The following ARL3 variants were observed in gnomAD, a reference collection of about 807,000 sequenced individuals.
The protein encoded by ARL3 is ARF like GTPase 3, also known as ADP-ribosylation factor-like protein 3.
A neutral mutation model predicts 26.0 loss-of-function variants in ARL3; 9 were observed. The ratio of observed to expected loss-of-function variants is 0.35; its 90% confidence interval spans 0.21 to 0.60. ARL3 has a LOEUF of 0.60. Ranked by LOEUF, ARL3 falls within the 20% of genes least tolerant of loss-of-function variation. The pLI, the probability that ARL3 is intolerant of heterozygous loss-of-function variation, is 0.78. For synonymous variants in ARL3, 71 were observed against 78.4 expected, an observed-to-expected ratio of 0.91 and a Z score of 0.50; for missense variants, 158 against 215.7, an observed-to-expected ratio of 0.73 and a Z score of 1.67.
chr10:102,696,458 G>A (rs1024051398), intron 3 of ARL3, among the ~76,000 whole-genome samples: 8 of 151,614 alleles, frequency 5.3e-5, no homozygotes, highest in Middle Eastern at 3.2e-3. Flanking sequence ...TAGAGATGGG[G>A]TTTCACCATC....
intron 2 of ARL3, among the ~76,000 whole-genome samples, chr10:102,699,869 A>G (rs2064269697): frequency 6.6e-6 from 1 of 152,250 alleles, no homozygotes; most frequent in Non-Finnish European, 1.5e-5. Flanking sequence ...ACAAAAAAAA[A>G]GCTGAATCTG....
chr10:102,686,077 T>A, intron 4 of ARL3, 76 bp from the exon 5 acceptor site: 1 of 1,300,736 alleles, frequency 7.7e-7, no homozygotes, highest in South Asian at 1.5e-5. Context: ...ACTACTTTTT[T>A]TTTTTTTTTT....
In ARL3 at chr10:102,694,645, T is replaced by C. The variant is rs147026523; in HGVS notation, c.265-4702A>G. Reference sequence around the variant, plus strand: ...CTTTTGTCAGAGAGAGTGGGCCATATTCATGTAAGCCTATTTTGGGGCTCT... The same window carrying C: ...CTTTTGTCAGAGAGAGTGGGCCATACTCATGTAAGCCTATTTTGGGGCTCT... On this transcript the variant is annotated intron_variant, in intron 3 of 5. Transcript: ENST00000260746. Among the ~76,000 whole-genome samples the C allele has an allele frequency of 9.3e-4, 142 of 152,296 alleles. 1 individual carries two copies. The highest frequency in any genetic ancestry group is 3.3e-3 in the African/African-American group (139 of 41,564).
chr10:102,688,664 G>T (rs2064200551), intron 4 of ARL3, among the ~76,000 whole-genome samples: 1 of 151,994 alleles, frequency 6.6e-6, no homozygotes. Flanking sequence ...ACCACACCTG[G>T]CTAATTTTTT....
chr10:102,678,679 C>T (rs1237642002), intron 5 of ARL3, among the ~76,000 whole-genome samples: 1 of 152,194 alleles, frequency 6.6e-6, no homozygotes, highest in African/African-American at 2.4e-5. Flanking sequence ...CTTTTCCTTG[C>T]TTTATGGCTG....
intron 1 of ARL3, among the ~76,000 whole-genome samples, chr10:102,713,685 C>T (rs2064361438): frequency 6.6e-6 from 1 of 152,198 alleles, no homozygotes; most frequent in South Asian, 2.1e-4. Flanking sequence ...ACCAAGACGG[C>T]GTAAAATCCA....
At chr10:102,692,562 T>C (rs6421339) in intron 3 of ARL3, among the ~76,000 whole-genome samples, 151,828 of 152,106 alleles carry the variant, frequency 1, 75,775 homozygotes, top group South Asian at 1. Flanking sequence ...ATTACAGGCA[T>C]GTGCCACCAC....
Position 102,674,402 on chromosome 10 carries a change from G to A in ARL3, c.*2492C>T, listed in dbSNP as rs1465871191. ...CAGCCAAAAGCAGCCACACGGGGTA[G>A]GTCGGGAGGAGGGGAGGACTCGAGT... On this transcript the variant is annotated 3_prime_UTR_variant, in exon 6 of 6. Transcript: ENST00000260746. The A allele has an allele frequency of 6.6e-6, 1 of 152,358 alleles. No homozygotes were observed. The highest frequency in any genetic ancestry group is 2.4e-5 in the African/African-American group (1 of 41,442). The allele number at this position is 152,358 out of a possible 1,614,324, so 9.4% of individuals were successfully genotyped here. A position where few individuals can be genotyped will look rare whatever the true frequency, so the allele number is the denominator to read the frequency against.
chr10:102,713,956 G>A (rs2064364637), intron 1 of ARL3, among the ~76,000 whole-genome samples: 1 of 152,188 alleles, frequency 6.6e-6, no homozygotes, highest in Admixed American at 6.5e-5. Context: ...CGCAGTTCCT[G>A]GGATCCGCCC....
At chr10:102,689,851 T>A in intron 4 of ARL3, 42 bp downstream of exon 4, 1 of 1,129,330 alleles carries the variant, frequency 8.9e-7, no homozygotes, top group Non-Finnish European at 1.3e-6. Context: ...AGTACATACA[T>A]ATATATATAT....
chr10:102,709,287 G>GT (rs796453015), intron 1 of ARL3, among the ~76,000 whole-genome samples: 2,235 of 145,598 alleles, frequency 0.015, 42 homozygotes, highest in African/African-American at 0.05. Flanking sequence ...TAAAAATACT[G>GT]TTTTTTTTTT....
chr10:102,680,641 C>T (rs1455320033), intron 5 of ARL3, among the ~76,000 whole-genome samples: 1 of 152,168 alleles, frequency 6.6e-6, no homozygotes, highest in African/African-American at 2.4e-5. Flanking sequence ...GACTATGCTG[C>T]TCTCTTAAAT....
chr10:102,712,918 GC>G (rs1289792720), intron 1 of ARL3, among the ~76,000 whole-genome samples: 5 of 152,058 alleles, frequency 3.3e-5, no homozygotes, highest in Non-Finnish European at 7.4e-5. Flanking sequence ...TGCAAGTGTA[GC>G]AAGTGTGAAA....
chr10:102,714,203 C>T (rs975729267), intron 1 of ARL3, 70 bp downstream of exon 1: 31 of 1,309,672 alleles, frequency 2.4e-5, no homozygotes, highest in Non-Finnish European at 2.9e-5. Context: ...GCGCAGTGCT[C>T]CGCCCTGGGC....
At chr10:102,708,990 A>G (rs2064324754) in intron 1 of ARL3, among the ~76,000 whole-genome samples, 1 of 148,710 alleles carries the variant, frequency 6.7e-6, no homozygotes, top group Non-Finnish European at 1.5e-5. Context: ...CTACAGCTTC[A>G]GCCTCCCAGG....
In ARL3 at chr10:102,699,359, G is replaced by T; in HGVS notation, c.264+14C>A. On this transcript the variant is annotated intron_variant, in intron 3 of 5. Transcript: ENST00000260746. ...GAAAATACTATGAATTAGTGCGTCA[G>T]AAGGAGTACTTACAAGAATATCGGT... The T allele has an allele frequency of 6.8e-7, 1 of 1,462,562 alleles. No individual in the cohort carries two copies. The highest frequency in any genetic ancestry group is 9.6e-7 in the Non-Finnish European group (1 of 1,042,632). The allele number at this position is 1,462,562 out of a possible 1,614,324, so 90.6% of individuals were successfully genotyped here. A position where few individuals can be genotyped will look rare whatever the true frequency, so the allele number is the denominator to read the frequency against.
In ARL3 at chr10:102,685,812, T is replaced by G; in HGVS notation, c.501+4A>C. 3 of 1,598,738 alleles carry G rather than the reference T, an allele frequency of 1.9e-6. No individual in the cohort carries two copies. The highest frequency in any genetic ancestry group is 2.6e-6 in the Non-Finnish European group (3 of 1,172,040). ...CAGGTGGCCAAGCCTTCCTGTAATC[T>G]CACCTGAACGCCCTCTCCTGTGAGA... is the stretch of plus-strand genomic sequence containing the variant. On this transcript the variant is annotated splice_donor_region_variant and intron_variant, in intron 5 of 5. Coordinates refer to ENST00000260746, the MANE Select transcript of ARL3 (RefSeq NM_004311.4).
intron 1 of ARL3, among the ~76,000 whole-genome samples, chr10:102,711,314 CTGTGTG>C (rs3977757): frequency 7.0e-6 from 1 of 143,182 alleles, no homozygotes; most frequent in African/African-American, 2.6e-5. Flanking sequence ...TATTCAGCTT[CTGTGTG>C]TGTGTGTGTG....
chr10:102,705,889 T>C (rs2136009000), intron 1 of ARL3, among the ~76,000 whole-genome samples: 1 of 152,292 alleles, frequency 6.6e-6, no homozygotes, highest in East Asian at 1.9e-4. Context: ...GTAAGGGCTA[T>C]ACTTGTCCCA....
Sources: allele counts gnomAD v4.1 joint callset (sites outside exome capture counted in the v4.1 genomes callset), GRCh38; gene constraint gnomAD v4.1.1; transcripts MANE v1.5; gene names NCBI Gene and HGNC (gene_info 2026-07-23, HGNC 2026-07-21).